Variants in POMT2 observed in about 807,000 individuals in gnomAD.
POMT2 encodes the protein protein O-mannosyltransferase 2.
A neutral mutation model predicts 100.0 loss-of-function variants in POMT2; 75 were observed. The observed-to-expected ratio is 0.75, with a 90% confidence interval of 0.62 to 0.91. POMT2 has a LOEUF of 0.91. Among genes scored for constraint, POMT2 ranks in the 40% least tolerant of loss-of-function variants. The pLI is 0.00. For missense variants in POMT2, 940 were observed against 955.1 expected, an observed-to-expected ratio of 0.98 and a Z score of 0.21; for synonymous variants, 378 against 374.1, an observed-to-expected ratio of 1.01 and a Z score of -0.12.
In POMT2 at chr14:77,278,496, TC is replaced by T; in HGVS notation, c.2044del (p.Asp682ThrfsTer26). 1.4e-6 allele frequency: 2 copies of T among 1,480,846 alleles called. No individual in the cohort carries two copies. Among genetic ancestry groups the T allele is most frequent in the Non-Finnish European group, 9.2e-7 (1 of 1,085,930 alleles). The allele number at this position is 1,480,846 out of a possible 1,614,324, so 91.7% of individuals were successfully genotyped here. On this transcript the variant is annotated frameshift_variant, in exon 20 of 21. Transcript: ENST00000261534. LOFTEE classifies it high-confidence loss of function. ...FSSMLTGILW[D>X]TLLRLCAWGL... is the part of the protein sequence containing the mutation. ...CCAGGCACAGAGCCGCAGGAGGGTG[TC>T]CCACAGAATGCCTAGAGGAGAGGAG...
intron 1 of POMT2, among the ~76,000 whole-genome samples, chr14:77,316,145 G>A (rs1891617043): frequency 6.6e-6 from 1 of 152,236 alleles, no homozygotes; most frequent in Non-Finnish European, 1.5e-5. Context: ...TAACTCCTTA[G>A]TTAACTACTC....
chr14:77,290,143 C>T (rs1277786214), intron 10 of POMT2, among the ~76,000 whole-genome samples: 4 of 152,194 alleles, frequency 2.6e-5, no homozygotes, highest in Non-Finnish European at 1.5e-5. Flanking sequence ...GTCTATAAAG[C>T]TCCCACAAAA....
chr14:77,305,940 C>T (rs1891210437), intron 3 of POMT2, among the ~76,000 whole-genome samples: 1 of 152,188 alleles, frequency 6.6e-6, no homozygotes, highest in African/African-American at 2.4e-5. Flanking sequence ...GAGATGTAGG[C>T]AACACTCCAG....
Position 77,291,386 on chromosome 14 carries a change from TGGG to T in POMT2, c.1117-9_1117-7del. ...TTGTGCAAATAGGTGGTGACCTGGG[TGGG>T]GGGTGGGGGCGGAGGGAAGAGGAAG... On this transcript the variant is annotated splice_region_variant and splice_polypyrimidine_tract_variant and intron_variant, in intron 9 of 20. Coordinates refer to ENST00000261534, the MANE Select transcript of POMT2 (RefSeq NM_013382.7). 1 of 519,678 alleles carries T rather than the reference TGGG, an allele frequency of 1.9e-6. No homozygotes were observed. The highest frequency in any genetic ancestry group is 3.2e-6 in the Non-Finnish European group (1 of 309,898). 32.2% of individuals were successfully genotyped at this position (519,678 alleles called of 1,614,324 possible). A position where few individuals can be genotyped will look rare whatever the true frequency, so the allele number is the denominator to read the frequency against.
chr14:77,307,577 C>T (rs1891268314), intron 2 of POMT2, among the ~76,000 whole-genome samples: 1 of 152,190 alleles, frequency 6.6e-6, no homozygotes, highest in Non-Finnish European at 1.5e-5. Context: ...AGGACAAGCT[C>T]GCCTGGTATT....
At chr14:77,284,604 G>A (rs935672843) in intron 14 of POMT2, among the ~76,000 whole-genome samples, 14 of 151,928 alleles carry the variant, frequency 9.2e-5, no homozygotes, top group Non-Finnish European at 1.5e-4. Flanking sequence ...GCGGGGGAGC[G>A]ACTCTACACT....
At chr14:77,295,150 G>A (rs1890777989) in intron 9 of POMT2, among the ~76,000 whole-genome samples, 1 of 152,120 alleles carries the variant, frequency 6.6e-6, no homozygotes, top group African/African-American at 2.4e-5. Flanking sequence ...TCAGCATCCT[G>A]CTTCTCCCTC....
chr14:77,319,441 C>T (rs1412142370), intron 1 of POMT2: 3 of 152,194 alleles, frequency 2.0e-5, no homozygotes, highest in Non-Finnish European at 4.4e-5. Context: ...TCAGATTGCT[C>T]GTGCCTCTAC....
intron 18 of POMT2, 57 bp downstream of exon 18, chr14:77,279,766 G>A (rs758258124): frequency 1.8e-5 from 28 of 1,540,188 alleles, no homozygotes; most frequent in Non-Finnish European, 2.2e-5. Context: ...CCCTCCCCAG[G>A]GGTGCAGGTG....
chr14:77,287,494 C>A, intron 11 of POMT2: 1 of 149,284 alleles, frequency 6.7e-6, no homozygotes, highest in African/African-American at 2.5e-5. Context: ...AAAACCATAG[C>A]TAATTGCTTC....
In POMT2 at chr14:77,285,011, G is replaced by A. The variant is rs770289097; in HGVS notation, c.1515C>T (p.Thr505=). The change falls in exon 14 of 21, where the codon ACC becomes ACT. Residue 505 remains threonine, a synonymous_variant. Transcript: ENST00000261534. Reference sequence around the variant, plus strand: ...AGTTGAGGGTTTCTTTCAGGTATGGGGTGCAAGTAACTTCCAACTGCTCCC... The same window carrying A: ...AGTTGAGGGTTTCTTTCAGGTATGGAGTGCAAGTAACTTCCAACTGCTCCC... The part of the protein sequence containing the change: ...WGWEQLEVTC[T]PYLKETLNSI... 1 of 1,613,292 alleles carries A rather than the reference G, an allele frequency of 6.2e-7. No individual in the cohort carries two copies. Among genetic ancestry groups the A allele is most frequent in the African/African-American group, 1.3e-5 (1 of 74,844 alleles).
chr14:77,296,054 A>T, intron 9 of POMT2, 110 bp downstream of exon 9: 2 of 895,072 alleles, frequency 2.2e-6, no homozygotes. Context: ...AGGGCTAGGA[A>T]GAATGTTTCA....
At chr14:77,296,572 T>C (rs1013479042) in intron 8 of POMT2, 1 of 417,102 alleles carries the variant, frequency 2.4e-6, no homozygotes. Context: ...CTTCTCAAGG[T>C]CTCCACATGG....
intron 15 of POMT2, among the ~76,000 whole-genome samples, 189 bp from the exon 16 acceptor site, chr14:77,280,652 C>T (rs987368241): frequency 1.3e-5 from 2 of 152,202 alleles, no homozygotes; most frequent in Non-Finnish European, 2.9e-5. Context: ...TTCTCCCAGA[C>T]AAGCCTCCAT....
At chr14:77,287,512 GTCTCTGTCTCTCTC>G (rs1890472476) in intron 11 of POMT2, 5 of 94,638 alleles carry the variant, frequency 5.3e-5, no homozygotes, top group African/African-American at 1.2e-4. Flanking sequence ...TTCTCTCTCT[GTCTCTGTCTCTCTC>G]TCTCTCTCTC....
At chr14:77,307,858 CTTTTTTTTTTTTTT>C (rs57755259) in intron 2 of POMT2, among the ~76,000 whole-genome samples, 2 of 101,228 alleles carry the variant, frequency 2.0e-5, no homozygotes, top group Admixed American at 1.1e-4. Flanking sequence ...TTAATTTCTT[CTTTTTTTTTTTTTT>C]TTTTTTTTGA....
At chr14:77,300,380 C>T (rs1342282473) in intron 6 of POMT2, 1 of 154,998 alleles carries the variant, frequency 6.5e-6, no homozygotes, top group East Asian at 1.9e-4. Flanking sequence ...CTCCCTACCT[C>T]ATAGGACTAT....
At chr14:77,315,225 G>C (rs1485499073) in intron 1 of POMT2, among the ~76,000 whole-genome samples, 1 of 152,172 alleles carries the variant, frequency 6.6e-6, no homozygotes, top group East Asian at 1.9e-4. Context: ...GTGCGCACAA[G>C]GACTAAAGGG....
Position 77,285,412 on chromosome 14 carries a change from G to A in POMT2, c.1484+69C>T, listed in dbSNP as rs1555352572. On this transcript the variant is annotated intron_variant, in intron 13 of 20. Transcript: ENST00000261534. Reference sequence around the variant, plus strand: ...GAACACAGGAAAACAAAAGCTTCTGGCATACTCCTTGTAGAGTGAAAGGAA... The same window carrying A: ...GAACACAGGAAAACAAAAGCTTCTGACATACTCCTTGTAGAGTGAAAGGAA... 72 of 1,590,076 alleles carry A rather than the reference G, an allele frequency of 4.5e-5. No individual in the cohort carries two copies. In the South Asian group the frequency reaches 7.7e-4, roughly 17 times the overall value.
Sources: gnomAD v4.1 joint callset for allele counts (sites outside exome capture counted in the v4.1 genomes callset) on GRCh38, gnomAD v4.1.1 for gene constraint, MANE v1.5 for transcripts, NCBI Gene and HGNC (gene_info 2026-07-23, HGNC 2026-07-21) for gene names.